Variants in SLCO4C1 observed in about 807,000 individuals in gnomAD.
SLCO4C1 encodes the protein organic anion transporter M1.
A neutral mutation model predicts 72.1 loss-of-function variants in SLCO4C1; 58 were observed. The ratio of observed to expected loss-of-function variants is 0.80; its 90% CI spans 0.65 to 1.00. The LOEUF (loss-of-function observed/expected upper bound fraction) is 1.00, where lower values mean the gene tolerates loss of function less well. Ranked by LOEUF, SLCO4C1 falls within the 50% of genes least tolerant of loss-of-function variation. The pLI is 0.00. For missense variants in SLCO4C1, 898 were observed against 857.9 expected, an observed-to-expected ratio of 1.05 and a Z score of -0.58; for synonymous variants, 297 against 312.5, an observed-to-expected ratio of 0.95 and a Z score of 0.52.
At chr5:102,244,095 G>T (rs1748594288) in intron 10 of SLCO4C1, among the ~76,000 whole-genome samples, 1 of 152,142 alleles carries the variant, frequency 6.6e-6, no homozygotes, top group Non-Finnish European at 1.5e-5. Context: ...GCTGAGGCAG[G>T]AGAATCACTT....
At chr5:102,272,182 C>T (rs925176491) in intron 2 of SLCO4C1, among the ~76,000 whole-genome samples, 13 of 152,156 alleles carry the variant, frequency 8.5e-5, no homozygotes, top group African/African-American at 3.1e-4. Flanking sequence ...AGAGATCCAG[C>T]ATTCTATTGC....
intron 2 of SLCO4C1, among the ~76,000 whole-genome samples, chr5:102,275,801 C>A (rs1244214460): frequency 6.6e-6 from 1 of 152,104 alleles, no homozygotes; most frequent in African/African-American, 2.4e-5. Context: ...AATCATCTAT[C>A]ATATATTCAA....
chr5:102,280,820 C>A (rs777884359), intron 2 of SLCO4C1, among the ~76,000 whole-genome samples: 1 of 152,062 alleles, frequency 6.6e-6, no homozygotes, highest in Non-Finnish European at 1.5e-5. Flanking sequence ...AAATAACCTC[C>A]CACCAGGTCC....
chr5:102,246,058 A>G (rs1470092272), intron 10 of SLCO4C1, among the ~76,000 whole-genome samples: 1 of 152,020 alleles, frequency 6.6e-6, no homozygotes, highest in Non-Finnish European at 1.5e-5. Context: ...AGGGAAGTTT[A>G]TAGCTATACA....
At position 102,235,337 on chromosome 5, in the gene SLCO4C1, C is replaced by T. The variant is rs113229194; in HGVS notation, c.*1521G>A. On this transcript the variant is annotated 3_prime_UTR_variant, in exon 13 of 13. Transcript: ENST00000310954. ...ATGATGAATTTTATTAAATTAATAACCCTTATAACAATTTCAAATGTAATA... is the reference window on the plus strand; with the variant it reads ...ATGATGAATTTTATTAAATTAATAATCCTTATAACAATTTCAAATGTAATA... The T allele has an allele frequency of 1.3e-5, 2 of 152,062 alleles. No homozygotes were observed. Among genetic ancestry groups the T allele is most frequent in the Admixed American group, 1.3e-4 (2 of 15,252 alleles). 9.4% of individuals were successfully genotyped at this position (152,062 alleles called of 1,614,324 possible). A position where few individuals can be genotyped will look rare whatever the true frequency, so the allele number is the denominator to read the frequency against.
intron 4 of SLCO4C1, 117 bp from the exon 5 acceptor site, chr5:102,262,150 C>A: frequency 1.4e-6 from 1 of 718,336 alleles, no homozygotes; most frequent in South Asian, 4.6e-5. Flanking sequence ...ATTATAATAT[C>A]CAACAGTTTA....
At chr5:102,283,292 G>A (rs1014267519) in intron 2 of SLCO4C1, among the ~76,000 whole-genome samples, 1 of 151,898 alleles carries the variant, frequency 6.6e-6, no homozygotes, top group African/African-American at 2.4e-5. Flanking sequence ...CTTCTATGTG[G>A]TATTGATTAT....
At position 102,263,682 on chromosome 5, in the gene SLCO4C1, G is replaced by A. The variant is rs1360307731; in HGVS notation, c.899+2C>T. On this transcript the variant is annotated splice_donor_variant, in intron 4 of 12. Transcript: ENST00000310954. LOFTEE classifies it low-confidence loss of function (GC_TO_GT_DONOR). ...ATAAAAGAAAAATAGATACTGCCTT[G>A]CCTTTCTCCCATAGCAACATCAATG... 1 of 1,607,626 alleles carries A rather than the reference G, an allele frequency of 6.2e-7. No homozygotes were observed. Among genetic ancestry groups the A allele is most frequent in the Non-Finnish European group, 8.5e-7 (1 of 1,176,476 alleles).
intron 2 of SLCO4C1, among the ~76,000 whole-genome samples, chr5:102,280,729 A>AAACACTTAT (rs1223763295): frequency 6.6e-6 from 1 of 152,130 alleles, no homozygotes; most frequent in Admixed American, 6.5e-5. Flanking sequence ...AAGAACTGTC[A>AAACACTTAT]AACACTTATA....
intron 2 of SLCO4C1, among the ~76,000 whole-genome samples, chr5:102,286,501 A>C (rs114860255): frequency 0.024 from 3,671 of 152,244 alleles, 100 homozygotes; most frequent in African/African-American, 0.072. Flanking sequence ...ATACTACAAT[A>C]TGTTGTGTCA....
chr5:102,250,484 G>T (rs763429962), intron 8 of SLCO4C1, among the ~76,000 whole-genome samples: 4 of 152,054 alleles, frequency 2.6e-5, no homozygotes, highest in African/African-American at 7.2e-5. Flanking sequence ...GCTGGGTAAC[G>T]GGAATACAAA....
At position 102,235,408 on chromosome 5, in the gene SLCO4C1, AC is replaced by A. The variant is rs1748414238; in HGVS notation, c.*1449del. ...ATACTTTTCCTAAGTAAAATTCTTAACCATGGTAGAAGTTATGTTTGTTGAT... is the reference window on the plus strand; with the variant it reads ...ATACTTTTCCTAAGTAAAATTCTTAACATGGTAGAAGTTATGTTTGTTGAT... On this transcript the variant is annotated 3_prime_UTR_variant, in exon 13 of 13. Coordinates refer to ENST00000310954, the MANE Select transcript of SLCO4C1 (RefSeq NM_180991.5). 1 of 152,212 alleles carries A rather than the reference AC, an allele frequency of 6.6e-6. No homozygotes were observed. Among genetic ancestry groups the A allele is most frequent in the East Asian group, 1.9e-4 (1 of 5,194 alleles). The allele number at this position is 152,212 out of a possible 1,614,324, so 9.4% of individuals were successfully genotyped here.
chr5:102,285,709 T>C (rs534707022), intron 2 of SLCO4C1, among the ~76,000 whole-genome samples: 1 of 152,340 alleles, frequency 6.6e-6, no homozygotes, highest in East Asian at 1.9e-4. Flanking sequence ...TTTTACTGTA[T>C]GTATTAAATT....
rs575590982 is a variant in SLCO4C1, at chr5:102,248,634, A to G, written c.1620+1004T>C. Among the ~76,000 whole-genome samples the G allele has an allele frequency of 1.6e-4, 25 of 152,266 alleles. No individual in the cohort carries two copies. The South Asian group carries it at 4.4e-3, about 27-fold the overall frequency. On this transcript the variant is annotated intron_variant, in intron 9 of 12. Transcript: ENST00000310954. Reference sequence around the variant, plus strand: ...ATCTGCTTCTAATCAAAGTTAGTCAATAGCATTTATTGGTCATATATACAG... The same window carrying G: ...ATCTGCTTCTAATCAAAGTTAGTCAGTAGCATTTATTGGTCATATATACAG...
chr5:102,245,822 A>G lies in SLCO4C1; in HGVS notation c.1811+1430T>C, dbSNP rs115510763. ...AAACAAGTCTTAAAACATTCAAAGT[A>G]ACTGAAATAATATCAGTCATCTTCC... is the stretch of plus-strand genomic sequence containing the variant. On this transcript the variant is annotated intron_variant, in intron 10 of 12. Coordinates refer to ENST00000310954, the MANE Select transcript of SLCO4C1 (RefSeq NM_180991.5). 6.9e-3 allele frequency among the ~76,000 whole-genome samples: 1,054 copies of G among 152,324 alleles called. 14 individuals are homozygous for G. Among genetic ancestry groups the G allele is most frequent in the African/African-American group, 0.024 (999 of 41,584 alleles).
At position 102,253,123 on chromosome 5, in the gene SLCO4C1, T is replaced by C. The variant is rs141662335; in HGVS notation, c.1470-3335A>G. On this transcript the variant is annotated intron_variant, in intron 8 of 12. Transcript: ENST00000310954. ...ATCAGATACAGAAAAAAATACTGTG[T>C]GTATACACTATGGTATTTCTATATT... Among the ~76,000 whole-genome samples the C allele has an allele frequency of 2.6e-5, 4 of 152,262 alleles. No individual in the cohort carries two copies. The East Asian group carries it at 7.7e-4, about 29-fold the overall frequency.
At position 102,234,468 on chromosome 5, in the gene SLCO4C1, C is replaced by T. The variant is rs1007650751; in HGVS notation, c.*2390G>A. On this transcript the variant is annotated 3_prime_UTR_variant, in exon 13 of 13. Transcript: ENST00000310954. ...AGGACCAAAATTATTTTCAGTCTAA[C>T]CATTTTCATTAAAGCGCTTATTTAA... 6.6e-6 allele frequency: 1 copy of T among 152,550 alleles called. No homozygotes were observed. The highest frequency in any genetic ancestry group is 1.5e-5 in the Non-Finnish European group (1 of 68,008). The allele number at this position is 152,550 out of a possible 1,614,324, so 9.4% of individuals were successfully genotyped here.
intron 2 of SLCO4C1, among the ~76,000 whole-genome samples, chr5:102,285,401 C>CA (rs200126218): frequency 0.026 from 3,951 of 152,290 alleles, 53 homozygotes; most frequent in Middle Eastern, 0.051. Context: ...TCTCCTGCCT[C>CA]AGCCTCCCAA....
intron 2 of SLCO4C1, among the ~76,000 whole-genome samples, chr5:102,274,595 T>G (rs912585778): frequency 6.6e-6 from 1 of 152,140 alleles, no homozygotes; most frequent in African/African-American, 2.4e-5. Flanking sequence ...TGTGATGTGA[T>G]TCCACTTCCC....
Sources: gnomAD v4.1 joint callset for allele counts (sites outside exome capture counted in the v4.1 genomes callset) on GRCh38, gnomAD v4.1.1 for gene constraint, MANE v1.5 for transcripts, NCBI Gene and HGNC (gene_info 2026-07-23, HGNC 2026-07-21) for gene names.